ZNF282: variants seen among roughly 807,000 people sequenced by gnomAD.
The protein encoded by ZNF282 is HTLV-I U5 repressive element-binding protein 1.
ZNF282 carries 30 observed loss-of-function variants against 61.9 expected under a neutral mutation model. The ratio of observed to expected loss-of-function variants is 0.48; its 90% CI spans 0.36 to 0.66. The LOEUF (loss-of-function observed/expected upper bound fraction) is 0.66. ZNF282 is among the 30% of genes least tolerant of loss of function. ZNF282 has a pLI of 0.00. For synonymous variants in ZNF282, 396 were observed against 405.0 expected, an observed-to-expected ratio of 0.98 and a Z score of 0.27; for missense variants, 788 against 941.4, an observed-to-expected ratio of 0.84 and a Z score of 2.13.
At chr7:149,201,817 T>C (rs1218367735) in intron 2 of ZNF282, among the ~76,000 whole-genome samples, 2 of 152,076 alleles carry the variant, frequency 1.3e-5, no homozygotes, top group Admixed American at 6.6e-5. Flanking sequence ...CCCATGTCTG[T>C]TTATGGCCCA....
chr7:149,202,064 C>T (rs906558746), intron 2 of ZNF282, among the ~76,000 whole-genome samples: 5 of 152,134 alleles, frequency 3.3e-5, no homozygotes, highest in Non-Finnish European at 5.9e-5. Flanking sequence ...AACCACGTCC[C>T]CCAAGCACAC....
At chr7:149,195,894 G>T in intron 1 of ZNF282, 140 bp downstream of exon 1, 1 of 738,906 alleles carries the variant, frequency 1.4e-6, no homozygotes, top group Non-Finnish European at 1.7e-6. Context: ...CCCGAGGCGG[G>T]CGGGGCACGG....
At chr7:149,223,226 G>C (rs906283803) in intron 7 of ZNF282, among the ~76,000 whole-genome samples, 9 of 151,772 alleles carry the variant, frequency 5.9e-5, no homozygotes, top group Non-Finnish European at 1.2e-4. Context: ...CGCCCACCTC[G>C]GTCTCCCAAA....
intron 7 of ZNF282, among the ~76,000 whole-genome samples, chr7:149,217,800 G>A (rs113804819): frequency 1.3e-4 from 20 of 152,256 alleles, no homozygotes; most frequent in East Asian, 1.9e-4. Context: ...GGAGCCGGCC[G>A]TGGGGTTGCA....
intron 2 of ZNF282, among the ~76,000 whole-genome samples, chr7:149,202,718 T>G (rs925472497): frequency 2.6e-5 from 4 of 152,226 alleles, no homozygotes; most frequent in African/African-American, 9.6e-5. Flanking sequence ...CCCAAAGTGC[T>G]GGGATTACAG....
chr7:149,218,661 A>C (rs1796194144), intron 7 of ZNF282, among the ~76,000 whole-genome samples: 1 of 152,166 alleles, frequency 6.6e-6, no homozygotes, highest in Middle Eastern at 3.2e-3. Flanking sequence ...TTGAGGGCTC[A>C]TGCCTCCACA....
At position 149,195,892 on chromosome 7, in the gene ZNF282, G is replaced by A. The variant is rs558282278; in HGVS notation, c.165+138G>A. The A allele has an allele frequency of 3.2e-3, 2,447 of 774,436 alleles. 39 individuals carry two copies. The African/African-American group carries it at 0.042, about 13-fold the overall frequency. 48.0% of individuals were successfully genotyped at this position (774,436 alleles called of 1,614,324 possible). ...TCCGCGCCCAGGCGAGGCCCGAGGC[G>A]GGCGGGGCACGGCCGGGCTGCGCGG... On this transcript the variant is annotated intron_variant, in intron 1 of 7. Transcript: ENST00000610704.
chr7:149,196,810 G>T (rs1448308431), intron 1 of ZNF282, among the ~76,000 whole-genome samples: 1 of 152,110 alleles, frequency 6.6e-6, no homozygotes, highest in Non-Finnish European at 1.5e-5. Flanking sequence ...CCTCTTACTG[G>T]TATTACAGGG....
At chr7:149,201,317 G>C (rs1795906234) in intron 2 of ZNF282, among the ~76,000 whole-genome samples, 1 of 152,182 alleles carries the variant, frequency 6.6e-6, no homozygotes, top group African/African-American at 2.4e-5. Flanking sequence ...AGGCACCATG[G>C]TCTTTCATCT....
intron 2 of ZNF282, among the ~76,000 whole-genome samples, chr7:149,203,395 T>C (rs1020247535): frequency 2.6e-5 from 4 of 152,228 alleles, no homozygotes; most frequent in South Asian, 4.1e-4. Context: ...TCATCCAGGC[T>C]GGAGTACAGT....
At chr7:149,221,709 CTGCAGAGATGG>C (rs959391944) in intron 7 of ZNF282, among the ~76,000 whole-genome samples, 1 of 152,112 alleles carries the variant, frequency 6.6e-6, no homozygotes, top group African/African-American at 2.4e-5. Flanking sequence ...GGCCAGTGTC[CTGCAGAGATGG>C]TTCTCTGCCA....
intron 2 of ZNF282, among the ~76,000 whole-genome samples, chr7:149,203,124 A>G (rs1795939444): frequency 6.6e-6 from 1 of 152,186 alleles, no homozygotes; most frequent in African/African-American, 2.4e-5. Context: ...ATGGTTTTGC[A>G]TATGTCGCTT....
chr7:149,218,098 G>A, intron 7 of ZNF282, among the ~76,000 whole-genome samples: 1 of 143,928 alleles, frequency 6.9e-6, no homozygotes, highest in Admixed American at 7.0e-5. Context: ...GCGAGACCCT[G>A]TCTCAGAAAA....
At chr7:149,202,633 T>C (rs1795929603) in intron 2 of ZNF282, among the ~76,000 whole-genome samples, 1 of 152,014 alleles carries the variant, frequency 6.6e-6, no homozygotes, top group Non-Finnish European at 1.5e-5. Context: ...TATTTTTTAG[T>C]AGAGACAGGG....
Position 149,198,823 on chromosome 7 carries a change from T to C in ZNF282, c.585+71T>C, listed in dbSNP as rs1795863548. ...AGGTGCATAAAATTCTTGATTTCAT[T>C]TTGTCAGCCCTTCTCATAAACTTCT... On this transcript the variant is annotated intron_variant, in intron 2 of 7. Coordinates refer to ENST00000610704, the MANE Select transcript of ZNF282 (RefSeq NM_003575.4). The surrounding 1 kb of genome is among the most constrained non-coding windows in gnomAD (Gnocchi z 4.3). The C allele has an allele frequency of 2.0e-6, 3 of 1,516,970 alleles. No homozygotes were observed. Among genetic ancestry groups the C allele is most frequent in the Non-Finnish European group, 2.6e-6 (3 of 1,137,106 alleles). The allele number at this position is 1,516,970 out of a possible 1,614,324, so 94.0% of individuals were successfully genotyped here.
chr7:149,225,051 G>A lies in ZNF282; in HGVS notation c.*404G>A, dbSNP rs1194160796. The A allele has an allele frequency of 4.3e-6, 1 of 231,888 alleles. No individual in the cohort carries two copies. The highest frequency in any genetic ancestry group is 2.3e-5 in the African/African-American group (1 of 44,246). The allele number at this position is 231,888 out of a possible 1,614,324, so 14.4% of individuals were successfully genotyped here. A position where few individuals can be genotyped will look rare whatever the true frequency, so the allele number is the denominator to read the frequency against. On this transcript the variant is annotated 3_prime_UTR_variant, in exon 8 of 8. Transcript: ENST00000610704. ...TGAAAAAAAGCGAAGGCCGAGGGATGTGCTAAGGGTAACACCTTCATGATG... is the reference window on the plus strand; with the variant it reads ...TGAAAAAAAGCGAAGGCCGAGGGATATGCTAAGGGTAACACCTTCATGATG...
chr7:149,224,172 G>A lies in ZNF282; in HGVS notation c.1541G>A (p.Arg514His), dbSNP rs1302630940. Residue 514 changes from arginine (R) to histidine (H), a missense_variant, in exon 8 of 8, where the codon CGC becomes CAC. Physicochemically the swap from Arg to His is conservative, Grantham distance 29. Coordinates refer to ENST00000610704, the MANE Select transcript of ZNF282 (RefSeq NM_003575.4). ...LRRSLLLHGA[R>H]SKPYSCPECG... ...CGGAGCCTCCTCCTGCACGGCGCCC[G>A]CAGCAAGCCCTACTCGTGCCCCGAG... 23 of 1,593,096 alleles carry A rather than the reference G, an allele frequency of 1.4e-5. No homozygotes were observed. Among genetic ancestry groups the A allele is most frequent in the Non-Finnish European group, 1.8e-5 (21 of 1,174,954 alleles).
At chr7:149,207,299 G>A in intron 3 of ZNF282, 52 bp from the exon 4 acceptor site, 1 of 1,557,222 alleles carries the variant, frequency 6.4e-7, no homozygotes. Context: ...CCCCTTGCTG[G>A]ATGCGTTGGT....
intron 7 of ZNF282, among the ~76,000 whole-genome samples, chr7:149,215,931 G>T (rs929405964): frequency 6.6e-6 from 1 of 152,150 alleles, no homozygotes; most frequent in Non-Finnish European, 1.5e-5. Flanking sequence ...ATTCTTCCCA[G>T]TTGGCTAGGA....
Sources: gnomAD v4.1 joint callset for allele counts (sites outside exome capture counted in the v4.1 genomes callset) on GRCh38, gnomAD v4.1.1 for gene constraint, Gnocchi (gnomAD v3.1) non-coding constraint, MANE v1.5 for transcripts, NCBI Gene and HGNC (gene_info 2026-07-23, HGNC 2026-07-21) for gene names.